ZNF157: variants seen among roughly 807,000 people sequenced by gnomAD.
The protein encoded by ZNF157 is zinc finger protein 22.
A neutral mutation model predicts 9.4 loss-of-function variants in ZNF157; 8 were observed. The observed-to-expected ratio is 0.85, with a 90% CI of 0.50 to 1.53. The LOEUF is 1.53. ZNF157 is among the 40% of genes most tolerant of loss of function. ZNF157 has a pLI of 0.00. For synonymous variants in ZNF157, 120 were observed against 130.8 expected (o/e 0.92, Z 0.56); for missense variants, 316 against 385.2 (o/e 0.82, Z 1.50).
At chrX:47,381,586 G>A (rs1448452600) in intron 1 of ZNF157, among the ~76,000 whole-genome samples, 1 of 111,797 alleles carries the variant, frequency 8.9e-6, no homozygotes, top group African/African-American at 3.2e-5. Flanking sequence ...GAAAACAATT[G>A]ACTTTTATTA....
At position 47,413,496 on chromosome X, in the gene ZNF157, T is replaced by G; in HGVS notation, c.1423T>G (p.Cys475Gly). ...TGERPFECQE[C>G]GKAFCRKAHL... is the part of the protein sequence containing the mutation. The stretch of plus-strand genomic sequence containing the variant: ...AGAGAGACCCTTTGAGTGTCAAGAA[T>G]GTGGGAAAGCTTTCTGCCGGAAAGC... The change falls in exon 4 of 4, where the codon TGT (cysteine) becomes GGT (glycine). Residue 475 changes from cysteine (C) to glycine (G), a missense_variant. Coordinates refer to ENST00000377073, the MANE Select transcript of ZNF157 (RefSeq NM_003446.4). 1 of 1,212,072 alleles carries G rather than the reference T, an allele frequency of 8.3e-7. No homozygotes were observed. The highest frequency in any genetic ancestry group is 1.1e-6 in the Non-Finnish European group (1 of 895,587).
chrX:47,400,480 T>C (rs2055927462), intron 1 of ZNF157, among the ~76,000 whole-genome samples: 1 of 111,757 alleles, frequency 8.9e-6, no homozygotes, highest in African/African-American at 3.3e-5. Flanking sequence ...GTTTTAATTG[T>C]CCATTCCAAT....
intron 1 of ZNF157, among the ~76,000 whole-genome samples, chrX:47,384,114 T>TA (rs57138656): frequency 1.1e-3 from 107 of 99,867 alleles, no homozygotes; most frequent in East Asian, 4.6e-3. Flanking sequence ...TACTGAAAAT[T>TA]AAAAAAAAAA....
intron 1 of ZNF157, among the ~76,000 whole-genome samples, chrX:47,406,276 C>T (rs982464626): frequency 5.5e-5 from 6 of 109,314 alleles, no homozygotes; most frequent in South Asian, 4.0e-4. Context: ...TATTTATTCG[C>T]GTTACTGTTA....
intron 1 of ZNF157, among the ~76,000 whole-genome samples, chrX:47,375,045 C>G (rs1363224487): frequency 3.1e-5 from 2 of 64,844 alleles, no homozygotes; most frequent in East Asian, 6.2e-4. Context: ...CAGACAGAGT[C>G]TTGCTCTGTC....
chrX:47,382,375 T>A (rs1359476419), intron 1 of ZNF157, among the ~76,000 whole-genome samples: 1 of 93,410 alleles, frequency 1.1e-5, no homozygotes, highest in Admixed American at 1.3e-4. Context: ...CTGCAACCTC[T>A]GCCTCCCGGG....
chrX:47,404,435 G>T (rs1456992071), intron 1 of ZNF157, among the ~76,000 whole-genome samples: 1 of 110,326 alleles, frequency 9.1e-6, no homozygotes, highest in East Asian at 2.9e-4. Context: ...AAAATGCTGG[G>T]ATTACAGGCT....
At position 47,412,528 on chromosome X, in the gene ZNF157, G is replaced by A. The variant is rs985545308; in HGVS notation, c.455G>A (p.Arg152His). The A allele has an allele frequency of 1.6e-5, 19 of 1,210,492 alleles. No homozygotes were observed. Among genetic ancestry groups the A allele is most frequent in the South Asian group, 5.3e-5 (3 of 56,865 alleles). The change falls in exon 4 of 4, where the codon CGT becomes CAT. Residue 152 changes from arginine to histidine, a missense_variant. By Grantham distance (29) the Arg-to-His change is conservative. Coordinates refer to ENST00000377073, the MANE Select transcript of ZNF157 (RefSeq NM_003446.4). ...AFHEKTGFVR[R>H]KRTPRGDKNF... is the part of the protein sequence containing the mutation. ...CATGAGAAAACAGGCTTTGTTAGAC[G>A]TAAAAGAACACCCAGAGGAGATAAA... is the stretch of plus-strand genomic sequence containing the variant.
intron 1 of ZNF157, among the ~76,000 whole-genome samples, chrX:47,406,035 C>T (rs1204851282): frequency 2.8e-5 from 3 of 106,158 alleles, no homozygotes; most frequent in Admixed American, 1.1e-4. Context: ...TCCATTGTAT[C>T]ATTCTTATGC....
intron 1 of ZNF157, among the ~76,000 whole-genome samples, chrX:47,375,262 A>C (rs758858287): frequency 9.3e-6 from 1 of 107,949 alleles, no homozygotes; most frequent in African/African-American, 3.4e-5. Flanking sequence ...TGATCCACCC[A>C]CCTCGGCCTC....
chrX:47,407,474 T>C (rs368522409), intron 1 of ZNF157, among the ~76,000 whole-genome samples: 1 of 111,859 alleles, frequency 8.9e-6, no homozygotes, highest in South Asian at 3.7e-4. Context: ...AATTTCTTTT[T>C]TGGAAGGTTT....
At chrX:47,402,785 G>A (rs141117745) in intron 1 of ZNF157, among the ~76,000 whole-genome samples, 1,602 of 107,982 alleles carry the variant, frequency 0.015, 32 homozygotes, top group African/African-American at 0.05. Context: ...CTTGTGATCC[G>A]CCTGTCTCGG....
At chrX:47,408,946 C>G (rs1261770076) in intron 1 of ZNF157, among the ~76,000 whole-genome samples, 1 of 111,918 alleles carries the variant, frequency 8.9e-6, no homozygotes, top group Non-Finnish European at 1.9e-5. Flanking sequence ...CAGATCCAAA[C>G]CATATCAGGA....
chrX:47,409,761 C>T (rs1030016174), intron 1 of ZNF157, among the ~76,000 whole-genome samples: 3 of 108,678 alleles, frequency 2.8e-5, no homozygotes, highest in East Asian at 2.9e-4. Context: ...CTCCTGCCTC[C>T]GCCTCCTGAG....
chrX:47,377,102 G>A (rs986378823), intron 1 of ZNF157, among the ~76,000 whole-genome samples: 1 of 110,693 alleles, frequency 9.0e-6, no homozygotes, highest in African/African-American at 3.3e-5. Flanking sequence ...CGATAAATTG[G>A]CTCATCTGAT....
chrX:47,394,678 CA>C (rs2055907987), intron 1 of ZNF157, among the ~76,000 whole-genome samples: 1 of 111,783 alleles, frequency 8.9e-6, no homozygotes, highest in African/African-American at 3.2e-5. Flanking sequence ...CCTTCTGAGT[CA>C]AAACTAGAAG....
chrX:47,379,297 T>C (rs906514062), intron 1 of ZNF157, among the ~76,000 whole-genome samples: 1 of 111,002 alleles, frequency 9.0e-6, no homozygotes, highest in Non-Finnish European at 1.9e-5. Flanking sequence ...TTGGCTGGTG[T>C]TGTATTTAAA....
At chrX:47,396,952 T>A (rs1257167432) in intron 1 of ZNF157, among the ~76,000 whole-genome samples, 2 of 111,056 alleles carry the variant, frequency 1.8e-5, no homozygotes, top group East Asian at 5.6e-4. Context: ...TTCACTATCA[T>A]GAGAACAGCA....
At chrX:47,370,805 T>C (rs6608713) in intron 1 of ZNF157, 65 bp downstream of exon 1, 301,206 of 976,103 alleles carry the variant, frequency 0.31, 33,832 homozygotes, top group South Asian at 0.43. Context: ...TTAGTTAAAT[T>C]TATATTTTGA....
Sources: allele counts gnomAD v4.1 joint callset (sites outside exome capture counted in the v4.1 genomes callset), GRCh38; gene constraint gnomAD v4.1.1; transcripts MANE v1.5; gene names NCBI Gene and HGNC (gene_info 2026-07-23, HGNC 2026-07-21).